SMAD1: variants seen among roughly 807,000 people sequenced by gnomAD.
The protein encoded by SMAD1 is SMAD family member 1.
Under a neutral mutation model 41.6 loss-of-function variants are expected in SMAD1, and 6 were observed. The observed-to-expected ratio is 0.14, with a 90% CI of 0.08 to 0.28. The LOEUF is 0.28. Among genes scored for constraint, SMAD1 ranks in the 10% least tolerant of loss-of-function variants. The pLI is 1.00. For synonymous variants in SMAD1, 206 were observed against 203.2 expected (o/e 1.01, Z -0.12); for missense variants, 379 against 582.6 (o/e 0.65, Z 3.60).
chr4:145,535,991 A>AG (rs941985999), intron 2 of SMAD1, among the ~76,000 whole-genome samples: 2 of 152,042 alleles, frequency 1.3e-5, no homozygotes, highest in African/African-American at 4.8e-5. Flanking sequence ...TACCAAAAAA[A>AG]AAAAAAAAAT....
At chr4:145,498,726 C>G (rs1228737932) in intron 1 of SMAD1, among the ~76,000 whole-genome samples, 2 of 152,114 alleles carry the variant, frequency 1.3e-5, no homozygotes, top group Non-Finnish European at 2.9e-5. Context: ...ATACTTTTTA[C>G]CACTTCTTAC....
chr4:145,547,047 G>C, intron 5 of SMAD1, 123 bp downstream of exon 5: 1 of 765,926 alleles, frequency 1.3e-6, no homozygotes, highest in Non-Finnish European at 2.2e-6. Context: ...TTCACTTGCT[G>C]CAGTTTGTAA....
intron 2 of SMAD1, among the ~76,000 whole-genome samples, chr4:145,520,933 T>C (rs958452319): frequency 2.0e-5 from 3 of 152,226 alleles, no homozygotes; most frequent in Non-Finnish European, 4.4e-5. Flanking sequence ...TAGTTAACAA[T>C]GACAAATGTG....
At chr4:145,557,726 TCTTA>T (rs1732922169) in intron 6 of SMAD1, 61 bp from the exon 7 acceptor site, 1 of 1,288,018 alleles carries the variant, frequency 7.8e-7, no homozygotes, top group East Asian at 2.4e-5. Context: ...TGTGAACTCT[TCTTA>T]CTTAATAAGT....
At chr4:145,531,389 G>T (rs1731311197) in intron 2 of SMAD1, among the ~76,000 whole-genome samples, 2 of 152,060 alleles carry the variant, frequency 1.3e-5, no homozygotes, top group South Asian at 4.2e-4. Flanking sequence ...AGCTGCTCTG[G>T]CAGCTTGCCC....
intron 2 of SMAD1, among the ~76,000 whole-genome samples, chr4:145,538,708 A>C (rs1209688869): frequency 2.0e-5 from 3 of 152,296 alleles, no homozygotes; most frequent in Admixed American, 2.0e-4. Flanking sequence ...CATAAGTTTT[A>C]AATCTCTCCT....
At position 145,518,661 on chromosome 4, in the gene SMAD1, A is replaced by G. The variant is rs2126432260; in HGVS notation, c.400+3648A>G. Among the ~76,000 whole-genome samples the G allele has an allele frequency of 1.6e-5, 2 of 126,458 alleles. 1 individual carries two copies. The highest frequency in any genetic ancestry group is 5.1e-4 in the South Asian group (2 of 3,886). The allele number at this position is 126,458 out of a possible 152,430, so 83.0% of individuals were successfully genotyped here. On this transcript the variant is annotated intron_variant, in intron 2 of 6. Coordinates refer to ENST00000302085, the MANE Select transcript of SMAD1 (RefSeq NM_005900.3). ...CACAGCTCAACACTGAATTATTTTG[A>G]ACTTTGTCACTATTTTACTTCTGAT...
At chr4:145,544,850 G>GGC (rs1732157454) in intron 4 of SMAD1, 2 of 152,116 alleles carry the variant, frequency 1.3e-5, no homozygotes, top group Admixed American at 6.5e-5. Flanking sequence ...GGAGAGAATA[G>GGC]GCACAGTACC....
intron 1 of SMAD1, among the ~76,000 whole-genome samples, chr4:145,491,276 A>AT (rs1336724707): frequency 6.6e-6 from 1 of 152,182 alleles, no homozygotes; most frequent in East Asian, 1.9e-4. Flanking sequence ...AACAAATGAA[A>AT]TGCCAACTGC....
intron 2 of SMAD1, among the ~76,000 whole-genome samples, chr4:145,533,270 A>G (rs1261131928): frequency 1.3e-5 from 2 of 152,238 alleles, no homozygotes; most frequent in Non-Finnish European, 2.9e-5. Context: ...GTTAGTGTGA[A>G]CATTTATTGT....
At chr4:145,523,239 T>G (rs550866493) in intron 2 of SMAD1, among the ~76,000 whole-genome samples, 1 of 152,184 alleles carries the variant, frequency 6.6e-6, no homozygotes. Context: ...CTAAATTGAA[T>G]AGAGGTGTGG....
At chr4:145,509,730 C>G (rs1021309170) in intron 1 of SMAD1, among the ~76,000 whole-genome samples, 1 of 152,184 alleles carries the variant, frequency 6.6e-6, no homozygotes. Flanking sequence ...TAGGTACACT[C>G]TGACCAAGTG....
chr4:145,548,403 G>A (rs2126539049), intron 5 of SMAD1, among the ~76,000 whole-genome samples: 1 of 151,900 alleles, frequency 6.6e-6, no homozygotes, highest in Admixed American at 6.6e-5. Context: ...GCTAATTTTT[G>A]TATATTTAGT....
chr4:145,549,621 G>T (rs1732450237), intron 5 of SMAD1, among the ~76,000 whole-genome samples: 1 of 152,130 alleles, frequency 6.6e-6, no homozygotes, highest in Non-Finnish European at 1.5e-5. Flanking sequence ...CTACAAATTT[G>T]AAATTATTTC....
chr4:145,504,736 TC>T (rs1270220117), intron 1 of SMAD1, among the ~76,000 whole-genome samples: 1 of 152,196 alleles, frequency 6.6e-6, no homozygotes, highest in Non-Finnish European at 1.5e-5. Flanking sequence ...GTTTGTAAGT[TC>T]CCAGTTCTTC....
intron 1 of SMAD1, among the ~76,000 whole-genome samples, chr4:145,485,663 A>G (rs1054369429): frequency 1.3e-5 from 2 of 152,200 alleles, no homozygotes; most frequent in Non-Finnish European, 1.5e-5. Flanking sequence ...AATAAAACAC[A>G]ATTTGGAAGG....
intron 1 of SMAD1, among the ~76,000 whole-genome samples, chr4:145,511,339 A>T (rs1423391099): frequency 6.6e-6 from 1 of 152,126 alleles, no homozygotes; most frequent in Admixed American, 6.6e-5. Flanking sequence ...GTGCAGTGGC[A>T]CAATCATAAC....
intron 1 of SMAD1, among the ~76,000 whole-genome samples, chr4:145,505,884 AC>A (rs1283021766): frequency 6.6e-6 from 1 of 151,782 alleles, no homozygotes; most frequent in African/African-American, 2.4e-5. Context: ...TCAATCTGTC[AC>A]CCAGGCTGGA....
intron 1 of SMAD1, among the ~76,000 whole-genome samples, chr4:145,509,039 C>G (rs1050654149): frequency 6.6e-6 from 1 of 152,152 alleles, no homozygotes; most frequent in African/African-American, 2.4e-5. Context: ...GTTTTATAGC[C>G]TTTATCACAT....
Sources: gnomAD v4.1 joint callset for allele counts (sites outside exome capture counted in the v4.1 genomes callset) on GRCh38, gnomAD v4.1.1 for gene constraint, MANE v1.5 for transcripts, NCBI Gene and HGNC (gene_info 2026-07-23, HGNC 2026-07-21) for gene names.